TPH2: variants seen among roughly 807,000 people sequenced by gnomAD.
The protein encoded by TPH2 is tryptophan 5-hydroxylase 2.
In TPH2, 27 loss-of-function variants were observed where a neutral mutation model predicts 59.1. The observed-to-expected ratio is 0.46, with a 90% CI of 0.34 to 0.63. The LOEUF (loss-of-function observed/expected upper bound fraction) is 0.63. TPH2 is among the 30% of genes least tolerant of loss of function. The pLI is 0.01. For synonymous variants in TPH2, 220 were observed against 210.5 expected (o/e 1.05, Z -0.39); for missense variants, 523 against 588.3 (o/e 0.89, Z 1.15).
At chr12:71,963,808 CA>C (rs1174520030) in intron 5 of TPH2, among the ~76,000 whole-genome samples, 3,379 of 14,476 alleles carry the variant, frequency 0.23, 1,130 homozygotes, top group East Asian at 0.67. Flanking sequence ...GATTCTGTCT[CA>C]AAAAAAAAAA....
intron 7 of TPH2, among the ~76,000 whole-genome samples, chr12:71,985,674 G>A (rs1333049914): frequency 6.6e-6 from 1 of 152,206 alleles, no homozygotes; most frequent in Non-Finnish European, 1.5e-5. Flanking sequence ...TGGGATTACA[G>A]GTGTGAGCCA....
chr12:72,005,204 C>T (rs1185404595), intron 8 of TPH2, among the ~76,000 whole-genome samples: 1 of 151,956 alleles, frequency 6.6e-6, no homozygotes, highest in Non-Finnish European at 1.5e-5. Flanking sequence ...GAGTAAATCA[C>T]CTTGTGAGGG....
intron 7 of TPH2, among the ~76,000 whole-genome samples, chr12:71,986,193 TGA>T (rs1419676096): frequency 1.3e-5 from 2 of 152,144 alleles, no homozygotes; most frequent in Non-Finnish European, 2.9e-5. Flanking sequence ...CCTCCCTGTG[TGA>T]GAGATGATGA....
intron 7 of TPH2, among the ~76,000 whole-genome samples, chr12:71,984,096 T>G (rs1592398192): frequency 6.6e-6 from 1 of 152,204 alleles, no homozygotes; most frequent in South Asian, 2.1e-4. Context: ...CATTGAGGAA[T>G]AATTCAGGGC....
chr12:72,023,059 C>G (rs939665188), intron 9 of TPH2, among the ~76,000 whole-genome samples: 1 of 152,106 alleles, frequency 6.6e-6, no homozygotes, highest in Non-Finnish European at 1.5e-5. Context: ...AAGAATGTCA[C>G]TTTGTTTTAA....
intron 8 of TPH2, among the ~76,000 whole-genome samples, chr12:72,007,780 C>T (rs1872994359): frequency 6.6e-6 from 1 of 151,374 alleles, no homozygotes; most frequent in Admixed American, 6.6e-5. Context: ...TTTCCTCTTT[C>T]AAATCTAATT....
chr12:72,007,606 A>C (rs986986807), intron 8 of TPH2, among the ~76,000 whole-genome samples: 1 of 152,104 alleles, frequency 6.6e-6, no homozygotes, highest in Non-Finnish European at 1.5e-5. Context: ...TGTGTTTTGG[A>C]TATCTCTTCA....
At position 72,031,816 on chromosome 12, in the gene TPH2, A is replaced by G. The variant is rs1461159077; in HGVS notation, c.*121A>G. On this transcript the variant is annotated 3_prime_UTR_variant, in exon 11 of 11. Coordinates refer to ENST00000333850, the MANE Select transcript of TPH2 (RefSeq NM_173353.4). ...TTGGCTAATAAGCATGCAATTCCAT[A>G]TATCTATACCATCTTGTAACTCACT... The G allele has an allele frequency of 1.8e-6, 2 of 1,135,576 alleles. No homozygotes were observed. Among genetic ancestry groups the G allele is most frequent in the Non-Finnish European group, 2.6e-6 (2 of 755,770 alleles). The allele number at this position is 1,135,576 out of a possible 1,614,324, so 70.3% of individuals were successfully genotyped here.
chr12:72,010,130 G>A (rs1383599779), intron 8 of TPH2, among the ~76,000 whole-genome samples: 2 of 152,198 alleles, frequency 1.3e-5, no homozygotes, highest in African/African-American at 4.8e-5. Context: ...TCAAGTAAAT[G>A]GCAGAGCATG....
intron 8 of TPH2, among the ~76,000 whole-genome samples, chr12:72,019,896 A>T (rs570444219): frequency 6.6e-6 from 1 of 152,342 alleles, no homozygotes; most frequent in African/African-American, 2.4e-5. Flanking sequence ...CCGGGGTTGG[A>T]GTCACATAGC....
chr12:71,971,489 G>A lies in TPH2; in HGVS notation c.609-1030G>A, dbSNP rs572966307. 2.0e-4 allele frequency among the ~76,000 whole-genome samples: 31 copies of A among 152,264 alleles called. No individual in the cohort carries two copies. In the East Asian group the frequency reaches 5.8e-3, roughly 28 times the overall value. ...GTCCCTCAAGCAATAGCTTACAAAA[G>A]CACATGTTTGTATTCTCCTCCTTCT... On this transcript the variant is annotated intron_variant, in intron 5 of 10. Coordinates refer to ENST00000333850, the MANE Select transcript of TPH2 (RefSeq NM_173353.4).
Position 71,994,480 on chromosome 12 carries a change from C to T in TPH2, c.983C>T (p.Ala328Val), listed in dbSNP as rs2887147. The T allele has an allele frequency of 5.0e-6, 8 of 1,613,936 alleles. No homozygotes were observed. Among genetic ancestry groups the T allele is most frequent in the South Asian group, 1.1e-5 (1 of 91,072 alleles). ...HELLGHVPLL[A>V]DPKFAQFSQE... ...CTCTTGGGACATGTTCCACTACTTGCGGATCCTAAGTTTGCTCAGTTTTCA... is the reference window on the plus strand; with the variant it reads ...CTCTTGGGACATGTTCCACTACTTGTGGATCCTAAGTTTGCTCAGTTTTCA... Residue 328 changes from alanine to valine, a missense_variant, in exon 8 of 11, where the codon GCG becomes GTG. Transcript: ENST00000333850.
At chr12:72,002,873 A>G (rs1433274522) in intron 8 of TPH2, among the ~76,000 whole-genome samples, 2 of 151,842 alleles carry the variant, frequency 1.3e-5, no homozygotes, top group Non-Finnish European at 2.9e-5. Context: ...ATTTGCATTG[A>G]TTGGGGCTTT....
intron 5 of TPH2, chr12:71,964,685 T>A: frequency 1.0e-6 from 1 of 985,374 alleles, no homozygotes; most frequent in Non-Finnish European, 1.2e-6. Flanking sequence ...CATCAATTAC[T>A]GATTGAAATT....
chr12:71,971,058 C>T (rs1250486397), intron 5 of TPH2, among the ~76,000 whole-genome samples: 3 of 152,194 alleles, frequency 2.0e-5, no homozygotes, highest in African/African-American at 7.2e-5. Flanking sequence ...AGGAGGAAGG[C>T]AGCTAGGGGA....
At chr12:71,964,670 A>G in intron 5 of TPH2, 2 of 985,372 alleles carry the variant, frequency 2.0e-6, no homozygotes, top group Non-Finnish European at 2.4e-6. Context: ...GCTAAAAATG[A>G]GAGTCATCAA....
chr12:71,961,951 A>G, intron 5 of TPH2: 1 of 1,055,734 alleles, frequency 9.5e-7, no homozygotes, highest in Non-Finnish European at 1.1e-6. Context: ...GTTTGCTCCC[A>G]TCTGAAAGTT....
rs763049336 is a variant in TPH2, at chr12:71,938,949, A to G, written c.-38A>G. 5 of 1,552,642 alleles carry G rather than the reference A, an allele frequency of 3.2e-6. No homozygotes were observed. In the South Asian group the frequency reaches 4.5e-5, roughly 14 times the overall value. Reference sequence around the variant, plus strand: ...CCAGCGCTGCTACTGCCCCTCTAGTACCCCCTGCTGCAGAGAAAGAATATT... The same window carrying G: ...CCAGCGCTGCTACTGCCCCTCTAGTGCCCCCTGCTGCAGAGAAAGAATATT... On this transcript the variant is annotated 5_prime_UTR_variant, in exon 1 of 11. Transcript: ENST00000333850.
intron 4 of TPH2, among the ~76,000 whole-genome samples, chr12:71,945,114 GGAGTA>G (rs1262642350): frequency 6.6e-6 from 1 of 152,122 alleles, no homozygotes; most frequent in Non-Finnish European, 1.5e-5. Context: ...GAGGTAGTTA[GGAGTA>G]GAGTAATGTA....
Sources: allele counts gnomAD v4.1 joint callset (sites outside exome capture counted in the v4.1 genomes callset), GRCh38; gene constraint gnomAD v4.1.1; transcripts MANE v1.5; gene names NCBI Gene and HGNC (gene_info 2026-07-23, HGNC 2026-07-21).